CMSS1: variants seen among roughly 807,000 people sequenced by gnomAD.
CMSS1 encodes protein CMSS1.
A neutral mutation model predicts 43.5 loss-of-function variants in CMSS1; 33 were observed. The observed-to-expected ratio is 0.76, with a 90% CI of 0.57 to 1.01. CMSS1 has a LOEUF of 1.01. CMSS1 is among the 50% of genes least tolerant of loss of function. CMSS1 has a pLI of 0.00. For synonymous variants in CMSS1, 115 were observed against 117.2 expected (o/e 0.98, Z 0.12); for missense variants, 313 against 326.4 (o/e 0.96, Z 0.32).
intron 1 of CMSS1, among the ~76,000 whole-genome samples, chr3:100,112,747 G>A (rs896011531): frequency 6.6e-6 from 1 of 152,144 alleles, no homozygotes; most frequent in African/African-American, 2.4e-5. Flanking sequence ...TAATTACCCA[G>A]GTGGAAAGAG....
chr3:99,898,130 G>A (rs185494863), intron 1 of CMSS1: 15 of 152,206 alleles, frequency 9.9e-5, no homozygotes, highest in Non-Finnish European at 1.9e-4. Flanking sequence ...GGCAGGCTTG[G>A]TTTAAATGTA....
rs1276449090 is a variant in CMSS1 at position 100,167,735 on chromosome 3, C to T, written c.416-3C>T. ...AATAATTGTTTTCTGTTCTTTTTTC[C>T]AGTTTGTCCTAAGTGGGTAAAACTT... On this transcript the variant is annotated splice_polypyrimidine_tract_variant and splice_region_variant and intron_variant, in intron 5 of 9. Coordinates refer to ENST00000421999, the MANE Select transcript of CMSS1 (RefSeq NM_032359.4). The T allele has an allele frequency of 1.9e-6, 3 of 1,591,636 alleles. No individual in the cohort carries two copies. The highest frequency in any genetic ancestry group is 2.6e-6 in the Non-Finnish European group (3 of 1,167,170).
chr3:99,942,633 A>C (rs1576589852), intron 1 of CMSS1, among the ~76,000 whole-genome samples: 1 of 152,130 alleles, frequency 6.6e-6, no homozygotes, highest in South Asian at 2.1e-4. Flanking sequence ...GGAGTTCAAG[A>C]CCAGCCTGGC....
At chr3:100,086,237 C>A (rs1225120188) in intron 1 of CMSS1, among the ~76,000 whole-genome samples, 1 of 152,162 alleles carries the variant, frequency 6.6e-6, no homozygotes, top group East Asian at 1.9e-4. Flanking sequence ...AATAGTTAAC[C>A]TATTGAGCTG....
intron 1 of CMSS1, among the ~76,000 whole-genome samples, chr3:99,856,088 T>G (rs571838245): frequency 4.6e-4 from 70 of 151,912 alleles, no homozygotes; most frequent in African/African-American, 1.6e-3. Context: ...CTGTTGCTGC[T>G]GCTGCTCTTG....
chr3:100,102,172 T>A (rs1476228857), intron 1 of CMSS1, among the ~76,000 whole-genome samples: 1 of 152,182 alleles, frequency 6.6e-6, no homozygotes, highest in African/African-American at 2.4e-5. Context: ...TATTTCTAGT[T>A]CTAGATCCCT....
At chr3:99,935,493 T>C (rs1707634630) in intron 1 of CMSS1, among the ~76,000 whole-genome samples, 1 of 152,180 alleles carries the variant, frequency 6.6e-6, no homozygotes, top group Admixed American at 6.5e-5. Context: ...ATCCCAGCTC[T>C]GCCTTTAATT....
In CMSS1 at chr3:99,979,303, G is replaced by T. The variant is rs531700713; in HGVS notation, c.64+161260G>T. ...AAATTTTATTATGTTCTCTCTTTAT[G>T]GCCTTCTTTTGGGAAACACTAAAAA... On this transcript the variant is annotated intron_variant, in intron 1 of 9. Coordinates refer to ENST00000421999, the MANE Select transcript of CMSS1 (RefSeq NM_032359.4). Among the ~76,000 whole-genome samples, 17 of 152,108 alleles carry T rather than the reference G, an allele frequency of 1.1e-4. No individual in the cohort carries two copies. In the South Asian group the frequency reaches 3.1e-3, roughly 28 times the overall value.
intron 1 of CMSS1, among the ~76,000 whole-genome samples, chr3:100,094,776 C>T (rs571863584): frequency 2.0e-5 from 3 of 149,464 alleles, no homozygotes; most frequent in African/African-American, 4.9e-5. Context: ...CTCTGCCTCC[C>T]GGGTTCATGC....
intron 1 of CMSS1, among the ~76,000 whole-genome samples, chr3:100,049,235 A>T (rs1208698884): frequency 6.6e-6 from 1 of 152,210 alleles, no homozygotes; most frequent in Non-Finnish European, 1.5e-5. Flanking sequence ...ATGGTAACAA[A>T]TAAACTGTTC....
chr3:100,002,620 T>C (rs531159097), intron 1 of CMSS1, among the ~76,000 whole-genome samples: 1 of 152,344 alleles, frequency 6.6e-6, no homozygotes, highest in Admixed American at 6.5e-5. Flanking sequence ...TGCATATCTG[T>C]CCATCATATG....
chr3:99,960,601 T>C (rs568199471), intron 1 of CMSS1, among the ~76,000 whole-genome samples: 1 of 152,322 alleles, frequency 6.6e-6, no homozygotes, highest in East Asian at 1.9e-4. Context: ...CCCTCCCTCC[T>C]ACAGTCTTTT....
chr3:100,059,166 A>G (rs2065516452), intron 1 of CMSS1, among the ~76,000 whole-genome samples: 1 of 152,246 alleles, frequency 6.6e-6, no homozygotes, highest in East Asian at 1.9e-4. Flanking sequence ...ACAGAAACAT[A>G]TACTTGGAGT....
intron 1 of CMSS1, among the ~76,000 whole-genome samples, chr3:100,076,964 A>C (rs984167251): frequency 6.6e-6 from 1 of 152,218 alleles, no homozygotes; most frequent in African/African-American, 2.4e-5. Context: ...CTCTTCCCAG[A>C]AGACCCTTTA....
intron 1 of CMSS1, among the ~76,000 whole-genome samples, chr3:100,128,517 A>AT (rs1267208374): frequency 1.3e-5 from 2 of 152,218 alleles, no homozygotes; most frequent in African/African-American, 2.4e-5. Flanking sequence ...CTAAATGCAT[A>AT]TTTTAATTGA....
At chr3:100,073,288 G>C (rs1176593098) in intron 1 of CMSS1, among the ~76,000 whole-genome samples, 2 of 152,152 alleles carry the variant, frequency 1.3e-5, no homozygotes. Context: ...CAACAGAAAA[G>C]TTGAGTTCTT....
intron 1 of CMSS1, among the ~76,000 whole-genome samples, chr3:100,101,379 G>A (rs576063087): frequency 2.6e-4 from 39 of 152,236 alleles, no homozygotes; most frequent in African/African-American, 7.7e-4. Context: ...GATATTTGGC[G>A]GGAGGAGCAG....
chr3:99,962,050 A>G (rs1173229633), intron 1 of CMSS1, among the ~76,000 whole-genome samples: 3 of 152,176 alleles, frequency 2.0e-5, no homozygotes, highest in African/African-American at 7.2e-5. Context: ...TCTGCAGGAC[A>G]CACCACACAA....
chr3:99,864,496 A>T (rs1227349933), intron 1 of CMSS1, among the ~76,000 whole-genome samples: 1 of 152,218 alleles, frequency 6.6e-6, no homozygotes, highest in African/African-American at 2.4e-5. Flanking sequence ...AACAGACCAG[A>T]ATAAAAATTC....
Sources: gnomAD v4.1 joint callset for allele counts (sites outside exome capture counted in the v4.1 genomes callset) on GRCh38, gnomAD v4.1.1 for gene constraint, MANE v1.5 for transcripts, NCBI Gene and HGNC (gene_info 2026-07-23, HGNC 2026-07-21) for gene names.